The following CFAP74 variants were observed in gnomAD, a reference collection of about 807,000 sequenced individuals.
The protein encoded by CFAP74 is cilia- and flagella-associated protein 74.
In CFAP74, 124 loss-of-function variants were observed where a neutral mutation model predicts 188.9. The ratio of observed to expected loss-of-function variants is 0.66; its 90% CI spans 0.57 to 0.76. The LOEUF is 0.76. Among genes scored for constraint, CFAP74 ranks in the 30% least tolerant of loss-of-function variants. The probability of loss-of-function intolerance (pLI) is 0.00; values close to 1 mark genes in which losing one functional copy is unlikely to be tolerated. For missense variants in CFAP74, 2,198 were observed against 2,165.2 expected (o/e 1.02, Z -0.30); for synonymous variants, 956 against 916.7 (o/e 1.04, Z -0.77).
chr1:1,946,929 T>C, intron 19 of CFAP74, 61 bp downstream of exon 19: 1 of 1,320,280 alleles, frequency 7.6e-7, no homozygotes, highest in Non-Finnish European at 1.1e-6. Context: ...CAGCTGGGGC[T>C]GGGGGAAGGT....
At position 1,927,896 on chromosome 1, in the gene CFAP74, A is replaced by G. The variant is rs1570820333; in HGVS notation, c.3388-150T>C. 7 of 814,164 alleles carry G rather than the reference A, an allele frequency of 8.6e-6. No homozygotes were observed. The East Asian group carries it at 1.9e-4, about 22-fold the overall frequency. 50.4% of individuals were successfully genotyped at this position (814,164 alleles called of 1,614,324 possible). On this transcript the variant is annotated intron_variant, in intron 27 of 38. Coordinates refer to ENST00000682832, the MANE Select transcript of CFAP74 (RefSeq NM_001304360.2). ...GCAAAAGCCGACCGGCGCCCGAGGA[A>G]GACAGTAGCCAGTGCGGAGGGGCAC...
intron 1 of CFAP74, among the ~76,000 whole-genome samples, chr1:1,999,406 G>A (rs565804858): frequency 1.9e-4 from 29 of 152,278 alleles, no homozygotes; most frequent in Admixed American, 5.2e-4. Flanking sequence ...GTGTGTTAGC[G>A]GGGAGTCGAT....
rs747287335 is a variant in CFAP74 at position 1,960,075 on chromosome 1, G to A, written c.1695-45C>T. 6 of 1,533,198 alleles carry A rather than the reference G, an allele frequency of 3.9e-6. No individual in the cohort carries two copies. In the South Asian group the frequency reaches 4.6e-5, roughly 12 times the overall value. 95.0% of individuals were successfully genotyped at this position (1,533,198 alleles called of 1,614,324 possible). A position where few individuals can be genotyped will look rare whatever the true frequency, so the allele number is the denominator to read the frequency against. On this transcript the variant is annotated intron_variant, in intron 14 of 38. Transcript: ENST00000682832. Reference sequence around the variant, plus strand: ...GCACACGGGGGTTAGTGCTGCGGAGGGCAGACGCTCGCCTCACCACCCAGA... The same window carrying A: ...GCACACGGGGGTTAGTGCTGCGGAGAGCAGACGCTCGCCTCACCACCCAGA...
intron 5 of CFAP74, among the ~76,000 whole-genome samples, chr1:1,986,072 C>T (rs895177602): frequency 1.3e-5 from 2 of 152,182 alleles, no homozygotes; most frequent in African/African-American, 4.8e-5. Flanking sequence ...TGCCACAGTC[C>T]AGGAATGAGG....
intron 18 of CFAP74, among the ~76,000 whole-genome samples, chr1:1,950,917 CG>C (rs913671337): frequency 4.7e-4 from 71 of 151,846 alleles, no homozygotes; most frequent in Admixed American, 4.0e-3. Flanking sequence ...GTGTTTTTTT[CG>C]GGGGGGAATT....
In CFAP74 at chr1:1,927,516, A is replaced by G. The variant is rs1220454366; in HGVS notation, c.3527+91T>C. The G allele has an allele frequency of 7.3e-6, 9 of 1,227,694 alleles. No individual in the cohort carries two copies. The East Asian group carries it at 2.0e-4, about 28-fold the overall frequency. The allele number at this position is 1,227,694 out of a possible 1,614,324, so 76.1% of individuals were successfully genotyped here. A position where few individuals can be genotyped will look rare whatever the true frequency, so the allele number is the denominator to read the frequency against. ...CCAGCCACATGGGTCATTCCGGGCA[A>G]TCTGTAGGGAGGGGACTCTACAGGG... On this transcript the variant is annotated intron_variant, in intron 28 of 38. Coordinates refer to ENST00000682832, the MANE Select transcript of CFAP74 (RefSeq NM_001304360.2).
chr1:1,947,870 C>T (rs901149355), intron 18 of CFAP74, among the ~76,000 whole-genome samples: 25 of 152,044 alleles, frequency 1.6e-4, no homozygotes, highest in Admixed American at 7.9e-4. Flanking sequence ...CGCAGGGACC[C>T]CTGTTCTTTT....
At chr1:1,970,618 G>C in intron 10 of CFAP74, 41 bp downstream of exon 10, 2 of 1,568,032 alleles carry the variant, frequency 1.3e-6, no homozygotes, top group East Asian at 4.6e-5. Flanking sequence ...CCCACTGACT[G>C]GGCGGGTGCC....
Position 1,968,771 on chromosome 1 carries a change from T to G in CFAP74, c.1109A>C (p.Glu370Ala), listed in dbSNP as rs1655664342. 6.2e-7 allele frequency: 1 copy of G among 1,614,076 alleles called. No individual in the cohort carries two copies. Among genetic ancestry groups the G allele is most frequent in the Non-Finnish European group, 8.5e-7 (1 of 1,179,972 alleles). ...QEIISRILKE[E>A]AEEEKRKKQH... is the part of the protein sequence containing the mutation. ...TTTCTTCCTCTTTTCCTCCTCAGCC[T>G]CCTCTTTCAGAATCCGACTGATGAT... Residue 370 changes from glutamate to alanine, a missense_variant, in exon 11 of 39, where the codon GAG (glutamate) becomes GCG (alanine). Transcript: ENST00000682832. This position sits in a 1 kb window ranked among gnomAD's most constrained non-coding sequence, Gnocchi z 4.3.
chr1:1,941,936 T>C, intron 22 of CFAP74, 92 bp downstream of exon 22: 2 of 1,275,002 alleles, frequency 1.6e-6, no homozygotes, highest in Non-Finnish European at 2.0e-6. Context: ...CCGGCAGCAA[T>C]GAGAACAGAG....
chr1:1,939,023 G>A (rs1346829317), intron 24 of CFAP74, 35 bp from the exon 25 acceptor site: 23 of 1,529,426 alleles, frequency 1.5e-5, no homozygotes, highest in Middle Eastern at 1.7e-4. Flanking sequence ...GGCATGTCAC[G>A]GGGAGACCAT....
chr1:1,994,753 T>C (rs1157362484), intron 1 of CFAP74, among the ~76,000 whole-genome samples: 4 of 152,152 alleles, frequency 2.6e-5, no homozygotes, highest in African/African-American at 7.2e-5. Flanking sequence ...CACTAAACCA[T>C]ATACACTGAG....
chr1:1,950,922 G>A (rs1393747651), intron 18 of CFAP74, among the ~76,000 whole-genome samples: 2 of 151,936 alleles, frequency 1.3e-5, no homozygotes, highest in African/African-American at 4.8e-5. Flanking sequence ...TTTTTCGGGG[G>A]GGAATTTTAT....
At chr1:1,978,638 A>G (rs1656599391) in intron 6 of CFAP74, among the ~76,000 whole-genome samples, 1 of 152,086 alleles carries the variant, frequency 6.6e-6, no homozygotes, top group African/African-American at 2.4e-5. Flanking sequence ...GAGGACATGG[A>G]TTCTCCTCGG....
chr1:1,974,010 C>A lies in CFAP74; in HGVS notation c.674+15G>T. ...CTGCTGGGAAGGGATGGAGGTGGGC[C>A]TGGGTGTCGCCTACCTGATCCTCAG... On this transcript the variant is annotated intron_variant, in intron 7 of 38. Coordinates refer to ENST00000682832, the MANE Select transcript of CFAP74 (RefSeq NM_001304360.2). The A allele has an allele frequency of 6.5e-7, 1 of 1,538,578 alleles. No homozygotes were observed.
chr1:1,974,170 C>G lies in CFAP74; in HGVS notation c.529G>C (p.Glu177Gln), dbSNP rs771251385. The G allele has an allele frequency of 6.2e-7, 1 of 1,609,330 alleles. No individual in the cohort carries two copies. The highest frequency in any genetic ancestry group is 1.1e-5 in the South Asian group (1 of 90,580). The change falls in exon 7 of 39, where the codon GAG becomes CAG. Residue 177 changes from glutamate to glutamine, a missense_variant. Coordinates refer to ENST00000682832, the MANE Select transcript of CFAP74 (RefSeq NM_001304360.2). ...GTCCGGAAGGCCTCGAGTCGCCCCT[C>G]CTGGATCTCGATGTGCCACATGGTG... ...ENTMWHIEIQ[E>Q]GRLEAFRTAD...
chr1:1,957,721 C>T (rs1343056022), intron 16 of CFAP74, among the ~76,000 whole-genome samples: 3 of 151,956 alleles, frequency 2.0e-5, no homozygotes, highest in African/African-American at 4.8e-5. Context: ...AGACTCCTGC[C>T]GGGCTCCCAG....
intron 33 of CFAP74, 68 bp from the exon 34 acceptor site, chr1:1,924,588 G>A: frequency 6.5e-7 from 1 of 1,529,230 alleles, no homozygotes; most frequent in South Asian, 1.2e-5. Flanking sequence ...TGTCGTCGGT[G>A]CCCAGGACTT....
At chr1:1,931,476 C>T (rs1235527756) in intron 25 of CFAP74, among the ~76,000 whole-genome samples, 4 of 146,334 alleles carry the variant, frequency 2.7e-5, no homozygotes, top group East Asian at 4.0e-4. Context: ...GTGGCTCACG[C>T]CTGTAATCCC....
Sources: gnomAD v4.1 joint callset for allele counts (sites outside exome capture counted in the v4.1 genomes callset) on GRCh38, gnomAD v4.1.1 for gene constraint, Gnocchi (gnomAD v3.1) non-coding constraint, MANE v1.5 for transcripts, NCBI Gene and HGNC (gene_info 2026-07-23, HGNC 2026-07-21) for gene names.